Variants in KDSR observed in about 807,000 individuals in gnomAD.
KDSR encodes 3-dehydrosphinganine reductase.
A neutral mutation model predicts 41.3 loss-of-function variants in KDSR; 23 were observed. The observed-to-expected ratio is 0.56, with a 90% confidence interval of 0.40 to 0.79. KDSR has a LOEUF of 0.79. KDSR is among the 30% of genes least tolerant of loss of function. The pLI is 0.00. For synonymous variants in KDSR, 138 were observed against 151.7 expected (o/e 0.91, Z 0.66); for missense variants, 351 against 416.8 (o/e 0.84, Z 1.37).
At chr18:63,339,635 T>C (rs1013472139) in intron 7 of KDSR, among the ~76,000 whole-genome samples, 2 of 152,254 alleles carry the variant, frequency 1.3e-5, no homozygotes, top group African/African-American at 4.8e-5. Context: ...CTTTCTTCTG[T>C]GAACATTTCT....
intron 5 of KDSR, 46 bp from the exon 6 acceptor site, chr18:63,351,125 G>A: frequency 6.9e-7 from 1 of 1,444,384 alleles, no homozygotes; most frequent in Non-Finnish European, 9.3e-7. Context: ...CCTCAAGGCT[G>A]TGCACATGGA....
chr18:63,350,818 TATAA>T, intron 6 of KDSR, 66 bp downstream of exon 6: 1 of 1,125,156 alleles, frequency 8.9e-7, no homozygotes, highest in Non-Finnish European at 1.3e-6. Flanking sequence ...GTAAAGAAGC[TATAA>T]AACTAAAGCG....
intron 1 of KDSR, among the ~76,000 whole-genome samples, chr18:63,364,944 A>G (rs2144385633): frequency 6.6e-6 from 1 of 152,372 alleles, no homozygotes; most frequent in South Asian, 2.1e-4. Flanking sequence ...ACTGTTATAC[A>G]TAAATCATGC....
chr18:63,338,205 A>G (rs1914240110), intron 8 of KDSR, among the ~76,000 whole-genome samples: 1 of 152,202 alleles, frequency 6.6e-6, no homozygotes, highest in Non-Finnish European at 1.5e-5. Context: ...AGATTTTCCA[A>G]ATTCAGTGTG....
Position 63,331,547 on chromosome 18 carries a change from C to T in KDSR, c.*235G>A. The T allele has an allele frequency of 2.6e-6, 1 of 382,530 alleles. No individual in the cohort carries two copies. The highest frequency in any genetic ancestry group is 4.7e-6 in the Non-Finnish European group (1 of 212,136). The allele number at this position is 382,530 out of a possible 1,614,324, so 23.7% of individuals were successfully genotyped here. ...TAATTCTCATACCTTCACCTCTCTA[C>T]CACAAAGCCTAGAAAATCAAATGGT... is the stretch of plus-strand genomic sequence containing the variant. On this transcript the variant is annotated 3_prime_UTR_variant, in exon 10 of 10. Coordinates refer to ENST00000645214, the MANE Select transcript of KDSR (RefSeq NM_002035.4).
rs1599319067 is a variant in KDSR, at chr18:63,331,539, C to T, written c.*243G>A. On this transcript the variant is annotated 3_prime_UTR_variant, in exon 10 of 10. Transcript: ENST00000645214. Reference sequence around the variant, plus strand: ...CACGCTATTAATTCTCATACCTTCACCTCTCTACCACAAAGCCTAGAAAAT... The same window carrying T: ...CACGCTATTAATTCTCATACCTTCATCTCTCTACCACAAAGCCTAGAAAAT... The T allele has an allele frequency of 5.5e-6, 2 of 362,728 alleles. No individual in the cohort carries two copies. Among genetic ancestry groups the T allele is most frequent in the East Asian group, 8.3e-5 (2 of 23,986 alleles). 22.5% of individuals were successfully genotyped at this position (362,728 alleles called of 1,614,324 possible).
intron 5 of KDSR, among the ~76,000 whole-genome samples, chr18:63,354,766 G>A (rs1322685088): frequency 6.6e-6 from 1 of 152,186 alleles, no homozygotes; most frequent in Non-Finnish European, 1.5e-5. Flanking sequence ...ATTAAAAATA[G>A]AAACATCAAT....
intron 5 of KDSR, among the ~76,000 whole-genome samples, chr18:63,353,953 AAC>A (rs1299944193): frequency 6.6e-6 from 1 of 152,134 alleles, no homozygotes; most frequent in African/African-American, 2.4e-5. Context: ...TCACTTTAAA[AAC>A]AGTTAATTTT....
intron 2 of KDSR, among the ~76,000 whole-genome samples, chr18:63,361,209 CAAAAAAA>C (rs71162630): frequency 5.8e-4 from 9 of 15,524 alleles, no homozygotes; most frequent in African/African-American, 1.2e-3. Flanking sequence ...AACTCCGTCT[CAAAAAAA>C]AAAAAAAAAA....
intron 6 of KDSR, 140 bp from the exon 7 acceptor site, chr18:63,344,633 A>G (rs1914443712): frequency 3.5e-6 from 2 of 571,254 alleles, no homozygotes; most frequent in East Asian, 3.0e-5. Flanking sequence ...AACTACACCA[A>G]TTGCATTGAG....
At chr18:63,341,953 CAGG>C (rs1159357654) in intron 7 of KDSR, among the ~76,000 whole-genome samples, 4 of 145,584 alleles carry the variant, frequency 2.7e-5, no homozygotes, top group Admixed American at 2.7e-4. Flanking sequence ...CAGAGTGGGC[CAGG>C]AGTTGGAGAC....
chr18:63,340,403 TAC>T (rs1914311899), intron 7 of KDSR, among the ~76,000 whole-genome samples: 2 of 152,330 alleles, frequency 1.3e-5, no homozygotes, highest in East Asian at 1.9e-4. Context: ...TCTACAAATA[TAC>T]AGTCTAGGGA....
At chr18:63,358,838 A>AAG (rs1568283090) in intron 3 of KDSR, among the ~76,000 whole-genome samples, 4 of 137,760 alleles carry the variant, frequency 2.9e-5, no homozygotes, top group African/African-American at 1.0e-4. Flanking sequence ...AAAAAGAACT[A>AAG]AACAATATAT....
intron 5 of KDSR, among the ~76,000 whole-genome samples, chr18:63,353,648 C>G (rs1276372025): frequency 2.6e-5 from 4 of 152,030 alleles, no homozygotes; most frequent in Non-Finnish European, 4.4e-5. Context: ...ATATCACCAC[C>G]CTATAAAAAG....
At chr18:63,347,363 G>A (rs1388363467) in intron 6 of KDSR, among the ~76,000 whole-genome samples, 1 of 151,876 alleles carries the variant, frequency 6.6e-6, no homozygotes, top group African/African-American at 2.4e-5. Flanking sequence ...GGGCATGGTG[G>A]TGGGCACCTG....
chr18:63,344,482 A>C lies in KDSR; in HGVS notation c.621T>G (p.Tyr207Ter). 1 of 1,613,434 alleles carries C rather than the reference A, an allele frequency of 6.2e-7. No homozygotes were observed. The highest frequency in any genetic ancestry group is 1.7e-5 in the Admixed American group (1 of 60,022). ...AEALQMEVKP[Y>*]NVYITVAYPP... ...GGTAAGCAACTGTGATGTAGACATT[A>C]TATGGCTTCACCTGCATTTCAAAAC... Residue 207 changes from tyrosine (Y) to a stop codon, truncating the protein, a stop_gained, in exon 7 of 10, where the codon TAT becomes TAG. Transcript: ENST00000645214. LOFTEE classifies it high-confidence loss of function.
intron 1 of KDSR, chr18:63,366,474 T>A (rs1915140135): frequency 6.5e-6 from 1 of 152,888 alleles, no homozygotes; most frequent in South Asian, 2.1e-4. Context: ...CCTGGAATCC[T>A]CTGGCAGCGG....
chr18:63,341,436 T>C (rs755162185), intron 7 of KDSR, among the ~76,000 whole-genome samples: 1 of 136,936 alleles, frequency 7.3e-6, no homozygotes, highest in Non-Finnish European at 1.6e-5. Context: ...ATAAAGCGAA[T>C]AAAAACCTAG....
chr18:63,357,528 T>TTTTA (rs1555715111), intron 3 of KDSR, among the ~76,000 whole-genome samples: 1 of 144,020 alleles, frequency 6.9e-6, no homozygotes, highest in Non-Finnish European at 1.5e-5. Flanking sequence ...ATTTTTAAAA[T>TTTTA]TATATATATA....
Sources: allele counts gnomAD v4.1 joint callset (sites outside exome capture counted in the v4.1 genomes callset), GRCh38; gene constraint gnomAD v4.1.1; transcripts MANE v1.5; gene names NCBI Gene and HGNC (gene_info 2026-07-23, HGNC 2026-07-21).